Variants in ANO2 observed in about 807,000 individuals in gnomAD.
The protein encoded by ANO2 is anoctamin 2, also known as anoctamin-2.
ANO2 carries 101 observed loss-of-function variants against 124.2 expected under a neutral mutation model. That is an observed-to-expected ratio of 0.81 (90% CI 0.69 to 0.96). The LOEUF (loss-of-function observed/expected upper bound fraction) is 0.96, where lower values mean the gene tolerates loss of function less well. Among genes scored for constraint, ANO2 ranks in the 40% least tolerant of loss-of-function variants. The pLI is 0.00. For synonymous variants in ANO2, 486 were observed against 482.5 expected (o/e 1.01, Z -0.09); for missense variants, 1,293 against 1,274.5 (o/e 1.01, Z -0.22).
chr12:5,566,073 G>T (rs928792806), intron 23 of ANO2, among the ~76,000 whole-genome samples: 1 of 152,146 alleles, frequency 6.6e-6, no homozygotes, highest in African/African-American at 2.4e-5. Flanking sequence ...CTGCAGCCGG[G>T]GGGGTTGGGG....
intron 20 of ANO2, among the ~76,000 whole-genome samples, chr12:5,589,828 G>A (rs532247032): frequency 1.3e-5 from 2 of 152,162 alleles, no homozygotes; most frequent in Non-Finnish European, 2.9e-5. Flanking sequence ...TGTAGGGTGC[G>A]GAGGATTCAC....
intron 3 of ANO2, among the ~76,000 whole-genome samples, chr12:5,895,319 G>A (rs1939705225): frequency 6.6e-6 from 1 of 152,104 alleles, no homozygotes; most frequent in Admixed American, 6.6e-5. Context: ...AGAAATGCTT[G>A]TGATTTTTGC....
intron 10 of ANO2, among the ~76,000 whole-genome samples, chr12:5,789,973 G>T (rs1048124513): frequency 6.6e-6 from 1 of 152,158 alleles, no homozygotes; most frequent in African/African-American, 2.4e-5. Flanking sequence ...GGGTTCCAGG[G>T]ACACGTGGTC....
intron 10 of ANO2, among the ~76,000 whole-genome samples, chr12:5,784,679 ACCT>A: frequency 6.6e-6 from 1 of 151,932 alleles, no homozygotes; most frequent in Non-Finnish European, 1.5e-5. Flanking sequence ...CTCTTCCTAA[ACCT>A]CCTCCCTGAG....
intron 14 of ANO2, among the ~76,000 whole-genome samples, chr12:5,662,122 G>C (rs560959329): frequency 6.6e-6 from 1 of 152,388 alleles, no homozygotes; most frequent in African/African-American, 2.4e-5. Flanking sequence ...TCTCGCAGTT[G>C]TTCAGGGAGT....
chr12:5,605,928 G>A (rs1000766234), intron 19 of ANO2, among the ~76,000 whole-genome samples: 3 of 152,164 alleles, frequency 2.0e-5, no homozygotes, highest in African/African-American at 7.2e-5. Flanking sequence ...GGAAGCATCG[G>A]CCACAACTGT....
At chr12:5,614,994 G>A (rs930947655) in intron 17 of ANO2, among the ~76,000 whole-genome samples, 192 bp downstream of exon 17, 1 of 152,196 alleles carries the variant, frequency 6.6e-6, no homozygotes, top group African/African-American at 2.4e-5. Flanking sequence ...AGGGTCATCA[G>A]AGTCTGAAGA....
chr12:5,879,463 C>A (rs1208605298), intron 3 of ANO2, among the ~76,000 whole-genome samples: 1 of 152,216 alleles, frequency 6.6e-6, no homozygotes, highest in African/African-American at 2.4e-5. Context: ...TCTCTCGATA[C>A]AAGACCTGTG....
chr12:5,751,354 C>A (rs891084101), intron 10 of ANO2, among the ~76,000 whole-genome samples: 1 of 152,190 alleles, frequency 6.6e-6, no homozygotes, highest in Non-Finnish European at 1.5e-5. Flanking sequence ...AGAAAACACA[C>A]CTTTTTGGAA....
chr12:5,785,873 A>C (rs1952525654), intron 10 of ANO2, among the ~76,000 whole-genome samples: 1 of 152,208 alleles, frequency 6.6e-6, no homozygotes, highest in African/African-American at 2.4e-5. Context: ...GATGCCACGC[A>C]GACTTTTCCA....
intron 14 of ANO2, among the ~76,000 whole-genome samples, chr12:5,652,179 A>C (rs1298017977): frequency 6.6e-6 from 1 of 152,202 alleles, no homozygotes; most frequent in Non-Finnish European, 1.5e-5. Flanking sequence ...CTGCCAGACA[A>C]TTTCCCAAAG....
At chr12:5,723,589 C>T (rs925958039) in intron 14 of ANO2, among the ~76,000 whole-genome samples, 5 of 111,348 alleles carry the variant, frequency 4.5e-5, no homozygotes, top group African/African-American at 1.8e-4. Flanking sequence ...GAGGCCACTC[C>T]ATGAGAAATT....
rs1313598525 is a variant in ANO2 at position 5,921,158 on chromosome 12, C to T, written c.416G>A (p.Gly139Asp). The T allele has an allele frequency of 6.2e-7, 1 of 1,613,894 alleles. No homozygotes were observed. The highest frequency in any genetic ancestry group is 8.5e-7 in the Non-Finnish European group (1 of 1,179,792). ...GETGKEPHAG[G>D]PGDIELGPLD... ...CGGTCCCAGCTCAATGTCACCTGGG[C>T]CCCCAGCATGAGGCTCCTTGCCTGT... Residue 139 changes from glycine (G) to aspartate (D), a missense_variant, in exon 3 of 25, where the codon GGC becomes GAC. By Grantham distance (94) the Gly-to-Asp change is moderately conservative. Coordinates refer to ENST00000682330, the MANE Select transcript of ANO2 (RefSeq NM_001364791.2).
chr12:5,628,111 A>AAT (rs1491487946), intron 16 of ANO2, among the ~76,000 whole-genome samples: 2 of 152,096 alleles, frequency 1.3e-5, no homozygotes, highest in Non-Finnish European at 2.9e-5. Flanking sequence ...TTTTGAAAAA[A>AAT]GAGAGAGAGA....
At chr12:5,654,057 A>G (rs992718321) in intron 14 of ANO2, among the ~76,000 whole-genome samples, 2 of 152,254 alleles carry the variant, frequency 1.3e-5, no homozygotes, top group Non-Finnish European at 2.9e-5. Context: ...TCTACAGTGC[A>G]TCTTTCATTA....
chr12:5,810,233 G>A (rs1953345065), intron 7 of ANO2, among the ~76,000 whole-genome samples: 1 of 152,174 alleles, frequency 6.6e-6, no homozygotes, highest in African/African-American at 2.4e-5. Context: ...TGGGGCAGGA[G>A]AGGCATGTTG....
At chr12:5,834,374 C>G (rs1954250721) in intron 4 of ANO2, among the ~76,000 whole-genome samples, 1 of 152,134 alleles carries the variant, frequency 6.6e-6, no homozygotes, top group South Asian at 2.1e-4. Context: ...AAATACTTGT[C>G]TTCATACTTG....
chr12:5,827,980 C>G (rs998345930), intron 6 of ANO2, among the ~76,000 whole-genome samples, 160 bp from the exon 7 acceptor site: 2 of 152,220 alleles, frequency 1.3e-5, no homozygotes, highest in Non-Finnish European at 2.9e-5. Flanking sequence ...GCACATCAAC[C>G]CCACTCAGAC....
At chr12:5,754,134 G>T (rs932911715) in intron 10 of ANO2, among the ~76,000 whole-genome samples, 1 of 151,998 alleles carries the variant, frequency 6.6e-6, no homozygotes, top group African/African-American at 2.4e-5. Flanking sequence ...AATTTGTTGA[G>T]AATTTTAAAT....
Sources: gnomAD v4.1 joint callset for allele counts (sites outside exome capture counted in the v4.1 genomes callset) on GRCh38, gnomAD v4.1.1 for gene constraint, MANE v1.5 for transcripts, NCBI Gene and HGNC (gene_info 2026-07-23, HGNC 2026-07-21) for gene names.